Variants in THSD7B observed in about 807,000 individuals in gnomAD.
The protein encoded by THSD7B is thrombospondin type 1 domain containing 7B.
A neutral mutation model predicts 213.6 loss-of-function variants in THSD7B; 138 were observed. That is an observed-to-expected ratio of 0.65 (90% CI 0.56 to 0.74). The LOEUF is 0.74. Among genes scored for constraint, THSD7B ranks in the 30% least tolerant of loss-of-function variants. The pLI is 0.00. For synonymous variants in THSD7B, 742 were observed against 687.0 expected (o/e 1.08, Z -1.25); for missense variants, 1,931 against 1,991.5 (o/e 0.97, Z 0.58).
intron 12 of THSD7B, among the ~76,000 whole-genome samples, chr2:137,308,463 G>C (rs1683810144): frequency 6.6e-6 from 1 of 151,774 alleles, no homozygotes; most frequent in Admixed American, 6.6e-5. Flanking sequence ...CATGTAAGAA[G>C]GTTTATTTTA....
chr2:137,636,043 C>T (rs1682827139), intron 20 of THSD7B, among the ~76,000 whole-genome samples: 1 of 152,140 alleles, frequency 6.6e-6, no homozygotes. Context: ...ATTTGTATAA[C>T]CTTTGTGACA....
chr2:137,437,913 G>T (rs1478159411), intron 14 of THSD7B, among the ~76,000 whole-genome samples: 1 of 152,108 alleles, frequency 6.6e-6, no homozygotes, highest in Non-Finnish European at 1.5e-5. Context: ...TGCCACAGAG[G>T]TTTTGGCCTT....
chr2:137,318,378 T>G (rs761038469), intron 12 of THSD7B, among the ~76,000 whole-genome samples: 19 of 152,280 alleles, frequency 1.2e-4, no homozygotes, highest in Non-Finnish European at 1.0e-4. Context: ...CTTAATGTCT[T>G]TATTTGAAGT....
At chr2:136,893,014 TG>T in intron 2 of THSD7B, among the ~76,000 whole-genome samples, 1 of 152,326 alleles carries the variant, frequency 6.6e-6, no homozygotes, top group East Asian at 1.9e-4. Context: ...TGCTTTTAAC[TG>T]TTATTTCAGT....
At chr2:136,923,850 C>G (rs182653640) in intron 2 of THSD7B, among the ~76,000 whole-genome samples, 10 of 152,262 alleles carry the variant, frequency 6.6e-5, no homozygotes, top group African/African-American at 2.4e-4. Context: ...GTTCTGGATA[C>G]TAACTCCTTA....
chr2:137,453,582 G>A (rs959049571), intron 15 of THSD7B, among the ~76,000 whole-genome samples: 2 of 151,972 alleles, frequency 1.3e-5, no homozygotes, highest in South Asian at 4.1e-4. Flanking sequence ...GCCCGCCTCG[G>A]CCTCCCAAAG....
intron 5 of THSD7B, among the ~76,000 whole-genome samples, chr2:137,119,293 C>T (rs772441389): frequency 2.0e-5 from 3 of 152,054 alleles, no homozygotes; most frequent in Admixed American, 6.5e-5. Flanking sequence ...AAATTATGTG[C>T]CTGTTATGAG....
intron 7 of THSD7B, among the ~76,000 whole-genome samples, chr2:137,229,107 G>A (rs1055895343): frequency 5.9e-5 from 9 of 152,116 alleles, no homozygotes; most frequent in African/African-American, 2.2e-4. Context: ...AAATTTTTCA[G>A]TAATGAAACC....
In THSD7B at chr2:137,202,571, T is replaced by G. The variant is rs1045701483; in HGVS notation, c.1724-28473T>G. ...GAGCACGGCCCTGCCAACACCTAACTGTCAGACTTCTGTTTTTCAGGACTG... is the reference window on the plus strand; with the variant it reads ...GAGCACGGCCCTGCCAACACCTAACGGTCAGACTTCTGTTTTTCAGGACTG... On this transcript the variant is annotated intron_variant, in intron 7 of 27. Coordinates refer to ENST00000409968, the MANE Select transcript of THSD7B (RefSeq NM_001316349.2). 3.3e-5 allele frequency among the ~76,000 whole-genome samples: 5 copies of G among 152,184 alleles called. No homozygotes were observed. In the East Asian group the frequency reaches 9.6e-4, roughly 29 times the overall value.
At chr2:136,802,136 A>C (rs4954439) in intron 1 of THSD7B, among the ~76,000 whole-genome samples, 16,431 of 152,038 alleles carry the variant, frequency 0.11, 1,008 homozygotes, top group South Asian at 0.2. Flanking sequence ...CAGAATAAGA[A>C]ATAGCTGGTA....
intron 5 of THSD7B, among the ~76,000 whole-genome samples, chr2:137,149,536 C>T (rs1326229229): frequency 1.3e-5 from 2 of 152,218 alleles, no homozygotes; most frequent in Non-Finnish European, 2.9e-5. Flanking sequence ...CAATGCCACA[C>T]TGTGAGGGCA....
rs1188408107 is a variant in THSD7B at position 137,129,265 on chromosome 2, A to G, written c.1369+13972A>G. Among the ~76,000 whole-genome samples, 4 of 152,272 alleles carry G rather than the reference A, an allele frequency of 2.6e-5. No homozygotes were observed. The East Asian group carries it at 7.7e-4, about 29-fold the overall frequency. ...TTGCAACTCTGGAGCTCAACTTATT[A>G]AGACTTTTCTCTAGATTTCTTTTTT... On this transcript the variant is annotated intron_variant, in intron 5 of 27. Transcript: ENST00000409968.
chr2:137,626,973 CAA>C (rs961886136), intron 20 of THSD7B, among the ~76,000 whole-genome samples: 2 of 152,106 alleles, frequency 1.3e-5, no homozygotes, highest in African/African-American at 4.8e-5. Flanking sequence ...TTTATAAAGA[CAA>C]GAGGTTTATT....
At chr2:137,603,893 C>T (rs192609666) in intron 17 of THSD7B, among the ~76,000 whole-genome samples, 1 of 152,160 alleles carries the variant, frequency 6.6e-6, no homozygotes, top group African/African-American at 2.4e-5. Context: ...GATGGATCAC[C>T]TGAGGTCAGG....
At chr2:137,433,915 C>T (rs931715918) in intron 14 of THSD7B, among the ~76,000 whole-genome samples, 6 of 152,144 alleles carry the variant, frequency 3.9e-5, no homozygotes, top group African/African-American at 1.4e-4. Context: ...CAGAACTGCA[C>T]TTTTACCTGT....
chr2:137,119,027 G>C (rs1005436212), intron 5 of THSD7B, among the ~76,000 whole-genome samples: 4 of 152,114 alleles, frequency 2.6e-5, no homozygotes, highest in African/African-American at 9.7e-5. Context: ...CTCCCACTGG[G>C]TCCATCCCAC....
intron 14 of THSD7B, among the ~76,000 whole-genome samples, chr2:137,434,416 A>AT (rs1358501454): frequency 6.6e-6 from 1 of 152,138 alleles, no homozygotes; most frequent in Non-Finnish European, 1.5e-5. Context: ...ATGTTCATAA[A>AT]TTTTTGTCAG....
At chr2:137,043,885 A>G (rs1447299707) in intron 2 of THSD7B, among the ~76,000 whole-genome samples, 1 of 152,182 alleles carries the variant, frequency 6.6e-6, no homozygotes, top group East Asian at 1.9e-4. Flanking sequence ...TATAAACAAA[A>G]CCTACTTCTT....
chr2:136,853,855 C>T (rs966145106), intron 1 of THSD7B, among the ~76,000 whole-genome samples: 15 of 152,008 alleles, frequency 9.9e-5, no homozygotes, highest in African/African-American at 3.6e-4. Flanking sequence ...ATTTATTCAA[C>T]AGGGTATAAT....
Sources: allele counts gnomAD v4.1 joint callset (sites outside exome capture counted in the v4.1 genomes callset), GRCh38; gene constraint gnomAD v4.1.1; transcripts MANE v1.5; gene names NCBI Gene and HGNC (gene_info 2026-07-23, HGNC 2026-07-21).